The following PTPRD variants were observed in gnomAD, a reference collection of about 807,000 sequenced individuals.
The protein encoded by PTPRD is protein tyrosine phosphatase receptor type D, also known as receptor-type tyrosine-protein phosphatase delta.
In PTPRD, 34 loss-of-function variants were observed where a neutral mutation model predicts 214.5. The observed-to-expected ratio is 0.16, with a 90% CI of 0.12 to 0.21. The LOEUF is 0.21. Ranked by LOEUF, PTPRD falls within the 10% of genes least tolerant of loss-of-function variation. The probability of loss-of-function intolerance (pLI) is 1.00; values close to 1 mark genes in which losing one functional copy is unlikely to be tolerated. For synonymous variants in PTPRD, 1,128 were observed against 845.7 expected (o/e 1.33, Z -5.79); for missense variants, 2,545 against 2,398.7 (o/e 1.06, Z -1.27).
chr9:10,401,450 T>C (rs994386843), intron 2 of PTPRD, among the ~76,000 whole-genome samples: 6 of 150,944 alleles, frequency 4.0e-5, no homozygotes, highest in African/African-American at 1.5e-4. Flanking sequence ...ACGGATAAAA[T>C]TGGTTCCTAT....
intron 21 of PTPRD, among the ~76,000 whole-genome samples, chr9:8,514,589 C>G (rs2097751943): frequency 6.6e-6 from 1 of 150,784 alleles, no homozygotes; most frequent in Admixed American, 6.6e-5. Flanking sequence ...AATCTAATAG[C>G]TACCTCAGTG....
At chr9:10,058,271 A>T (rs1416396969) in intron 3 of PTPRD, among the ~76,000 whole-genome samples, 1 of 152,082 alleles carries the variant, frequency 6.6e-6, no homozygotes, top group East Asian at 1.9e-4. Flanking sequence ...AGTAACTATA[A>T]GTTAACCTAG....
chr9:9,204,847 A>G (rs899997657), intron 9 of PTPRD, among the ~76,000 whole-genome samples: 2 of 152,074 alleles, frequency 1.3e-5, no homozygotes, highest in African/African-American at 4.8e-5. Flanking sequence ...AATGTCTCAA[A>G]TTATTATCAT....
intron 12 of PTPRD, among the ~76,000 whole-genome samples, chr9:8,671,007 A>G (rs1349972168): frequency 6.6e-6 from 1 of 152,004 alleles, no homozygotes; most frequent in African/African-American, 2.4e-5. Flanking sequence ...GTGGATGTGG[A>G]GGTGGGGGGA....
intron 3 of PTPRD, among the ~76,000 whole-genome samples, chr9:10,307,152 A>C (rs2096102590): frequency 6.6e-6 from 1 of 152,060 alleles, no homozygotes; most frequent in East Asian, 1.9e-4. Flanking sequence ...CTTTATTATA[A>C]ACATGAGCAC....
chr9:9,254,288 T>C (rs950732915), intron 9 of PTPRD, among the ~76,000 whole-genome samples: 4 of 152,078 alleles, frequency 2.6e-5, no homozygotes, highest in African/African-American at 7.2e-5. Context: ...AAAGTAAGTC[T>C]ATATATTTTC....
intron 5 of PTPRD, chr9:9,800,770 G>C (rs928106320): frequency 1.2e-4 from 19 of 152,128 alleles, no homozygotes; most frequent in African/African-American, 4.6e-4. Flanking sequence ...ATGTTGAAAG[G>C]TGTTCAAGGG....
intron 5 of PTPRD, among the ~76,000 whole-genome samples, chr9:9,906,533 A>G (rs555494979): frequency 6.6e-6 from 1 of 152,114 alleles, no homozygotes; most frequent in Non-Finnish European, 1.5e-5. Flanking sequence ...GTCATCCAAA[A>G]TAAATGCTTA....
chr9:9,948,946 A>T (rs1027241823), intron 4 of PTPRD, among the ~76,000 whole-genome samples: 14 of 152,060 alleles, frequency 9.2e-5, no homozygotes. Context: ...ATAAATTAAT[A>T]TTACAGTGCA....
intron 11 of PTPRD, among the ~76,000 whole-genome samples, chr9:8,766,777 T>C (rs539871383): frequency 1.1e-4 from 17 of 152,336 alleles, no homozygotes; most frequent in African/African-American, 3.8e-4. Flanking sequence ...TAAATGTATA[T>C]AAAGCTCACA....
chr9:8,472,294 AC>A (rs1380328373), intron 30 of PTPRD, among the ~76,000 whole-genome samples: 1 of 152,108 alleles, frequency 6.6e-6, no homozygotes, highest in Non-Finnish European at 1.5e-5. Flanking sequence ...ACCTAAACAT[AC>A]CCCCATACCT....
chr9:9,832,602 G>A (rs528036872), intron 5 of PTPRD, among the ~76,000 whole-genome samples: 9 of 152,010 alleles, frequency 5.9e-5, no homozygotes, highest in African/African-American at 2.2e-4. Flanking sequence ...TAGGTTTGGG[G>A]GTCTGTGATA....
intron 11 of PTPRD, among the ~76,000 whole-genome samples, chr9:8,970,136 G>A (rs760542450): frequency 4.1e-4 from 63 of 151,814 alleles, no homozygotes; most frequent in Non-Finnish European, 7.4e-4. Context: ...TTCTAGACTC[G>A]TTTATTATTT....
rs1569566644 is a variant in PTPRD, at chr9:9,275,067, T to TATATATATA, written c.-202-91713_-202-91705dup. On this transcript the variant is annotated intron_variant, in intron 9 of 45. Transcript: ENST00000381196. ...TCCATATATATATGTATATATATAT[T>TATATATATA]ATATATATATATATAATATATATGT... Among the ~76,000 whole-genome samples, 24 of 64,864 alleles carry TATATATATA rather than the reference T, an allele frequency of 3.7e-4. 1 individual carries two copies. The highest frequency in any genetic ancestry group is 6.4e-4 in the Non-Finnish European group (23 of 35,960). 42.6% of individuals were successfully genotyped at this position (64,864 alleles called of 152,430 possible).
intron 3 of PTPRD, among the ~76,000 whole-genome samples, chr9:10,293,534 T>C (rs1180834354): frequency 6.6e-6 from 1 of 151,948 alleles, no homozygotes; most frequent in Admixed American, 6.6e-5. Context: ...AAAACTTTAT[T>C]CACACTTGCT....
chr9:8,464,528 C>T (rs1442234281), intron 32 of PTPRD, among the ~76,000 whole-genome samples: 1 of 151,894 alleles, frequency 6.6e-6, no homozygotes, highest in Non-Finnish European at 1.5e-5. Context: ...ACACTAACAC[C>T]TGATGTGGAG....
At chr9:9,907,634 C>T (rs1027599045) in intron 5 of PTPRD, among the ~76,000 whole-genome samples, 8 of 152,066 alleles carry the variant, frequency 5.3e-5, no homozygotes, top group Admixed American at 2.0e-4. Flanking sequence ...AATAAAGTCA[C>T]ATTGGGGATT....
intron 12 of PTPRD, among the ~76,000 whole-genome samples, chr9:8,682,271 G>A (rs1369998048): frequency 2.0e-5 from 3 of 152,188 alleles, no homozygotes; most frequent in Non-Finnish European, 4.4e-5. Context: ...CCTCTTCAAT[G>A]AGACTTCGAC....
At chr9:9,218,164 C>T (rs1036819990) in intron 9 of PTPRD, among the ~76,000 whole-genome samples, 2 of 152,116 alleles carry the variant, frequency 1.3e-5, no homozygotes, top group African/African-American at 2.4e-5. Context: ...TTGCTTCTTT[C>T]GTTTTCTAAC....
Sources: gnomAD v4.1 joint callset for allele counts (sites outside exome capture counted in the v4.1 genomes callset) on GRCh38, gnomAD v4.1.1 for gene constraint, MANE v1.5 for transcripts, NCBI Gene and HGNC (gene_info 2026-07-23, HGNC 2026-07-21) for gene names.